PLXNC1: variants seen among roughly 807,000 people sequenced by gnomAD.
PLXNC1 encodes the protein plexin-C1.
PLXNC1 carries 75 observed loss-of-function variants against 178.2 expected under a neutral mutation model. The observed-to-expected ratio is 0.42, with a 90% CI of 0.35 to 0.51. The LOEUF (loss-of-function observed/expected upper bound fraction) is 0.51. Among genes scored for constraint, PLXNC1 ranks in the 20% least tolerant of loss-of-function variants. The pLI is 0.02. For synonymous variants in PLXNC1, 790 were observed against 779.9 expected (o/e 1.01, Z -0.22); for missense variants, 1,503 against 1,984.4 (o/e 0.76, Z 4.61).
chr12:94,290,287 C>T (rs900557472), intron 23 of PLXNC1, among the ~76,000 whole-genome samples: 2 of 152,200 alleles, frequency 1.3e-5, no homozygotes, highest in African/African-American at 4.8e-5. Flanking sequence ...CTCATAAACT[C>T]GGTGTCTGAG....
chr12:94,243,143 G>A (rs985323264), intron 11 of PLXNC1, among the ~76,000 whole-genome samples: 6 of 152,248 alleles, frequency 3.9e-5, no homozygotes, highest in Non-Finnish European at 7.3e-5. Context: ...GGAGGATTCA[G>A]AGATCAGTGT....
At chr12:94,289,604 C>T (rs906087487) in intron 23 of PLXNC1, among the ~76,000 whole-genome samples, 2 of 152,150 alleles carry the variant, frequency 1.3e-5, no homozygotes, top group African/African-American at 2.4e-5. Flanking sequence ...ATTTGGAGCT[C>T]CTCAGATGGA....
chr12:94,262,750 T>C (rs962981319), intron 20 of PLXNC1: 2 of 985,400 alleles, frequency 2.0e-6, no homozygotes, highest in African/African-American at 3.5e-5. Context: ...TGACAGTAGC[T>C]CCGTGACCGC....
intron 1 of PLXNC1, among the ~76,000 whole-genome samples, chr12:94,161,222 C>T (rs1378249581): frequency 6.6e-6 from 1 of 152,110 alleles, no homozygotes; most frequent in Non-Finnish European, 1.5e-5. Flanking sequence ...CAAAGTTTAG[C>T]ATTTTATTTC....
intron 20 of PLXNC1, among the ~76,000 whole-genome samples, chr12:94,264,613 C>T (rs1433439511): frequency 6.6e-6 from 1 of 152,178 alleles, no homozygotes; most frequent in Non-Finnish European, 1.5e-5. Context: ...TTGTATTTGG[C>T]AAATGTATAA....
In PLXNC1 at chr12:94,303,748, T is replaced by A; in HGVS notation, c.4387-8T>A. ...TGATGGTTGCTTTTTTTTTTTTTTT[T>A]TCCCCAGGAAGCACCAACTAATAAG... is the stretch of plus-strand genomic sequence containing the variant. On this transcript the variant is annotated splice_region_variant and splice_polypyrimidine_tract_variant and intron_variant, in intron 28 of 30. Coordinates refer to ENST00000258526, the MANE Select transcript of PLXNC1 (RefSeq NM_005761.3). The A allele has an allele frequency of 3.6e-6, 5 of 1,407,266 alleles. No homozygotes were observed. The African/African-American group carries it at 7.7e-5, about 22-fold the overall frequency. The allele number at this position is 1,407,266 out of a possible 1,614,324, so 87.2% of individuals were successfully genotyped here. A position where few individuals can be genotyped will look rare whatever the true frequency, so the allele number is the denominator to read the frequency against.
intron 2 of PLXNC1, among the ~76,000 whole-genome samples, chr12:94,170,002 C>G (rs559136487): frequency 6.2e-4 from 95 of 152,328 alleles, no homozygotes; most frequent in Non-Finnish European, 1.1e-3. Flanking sequence ...TTATCAATGT[C>G]ATCAGCAAGC....
chr12:94,226,594 T>G lies in PLXNC1; in HGVS notation c.1791-11T>G, dbSNP rs540093979. 5 of 1,598,994 alleles carry G rather than the reference T, an allele frequency of 3.1e-6. No individual in the cohort carries two copies. Among genetic ancestry groups the G allele is most frequent in the Admixed American group, 1.7e-5 (1 of 59,978 alleles). On this transcript the variant is annotated splice_polypyrimidine_tract_variant and intron_variant, in intron 7 of 30. Coordinates refer to ENST00000258526, the MANE Select transcript of PLXNC1 (RefSeq NM_005761.3). Reference sequence around the variant, plus strand: ...AAACGCAGGAATTAAGTCAGTTTTCTGTGTTGCTAGATGCCCAGCATGCGT... The same window carrying G: ...AAACGCAGGAATTAAGTCAGTTTTCGGTGTTGCTAGATGCCCAGCATGCGT...
chr12:94,260,521 A>T lies in PLXNC1; in HGVS notation c.3252-121A>T. On this transcript the variant is annotated intron_variant, in intron 19 of 30. Coordinates refer to ENST00000258526, the MANE Select transcript of PLXNC1 (RefSeq NM_005761.3). The surrounding 1 kb of genome is among the most constrained non-coding windows in gnomAD (Gnocchi z 4.4). ...AGAATCTAAACATTAAAAAAAAAAA[A>T]AAAAAAGCTCCCAACCCAACAGGCC... 8.2e-6 allele frequency: 5 copies of T among 608,182 alleles called. No homozygotes were observed. Among genetic ancestry groups the T allele is most frequent in the Non-Finnish European group, 1.4e-5 (5 of 357,968 alleles). The allele number at this position is 608,182 out of a possible 1,614,324, so 37.7% of individuals were successfully genotyped here. A position where few individuals can be genotyped will look rare whatever the true frequency, so the allele number is the denominator to read the frequency against.
chr12:94,285,959 C>T (rs1966817146), intron 23 of PLXNC1, among the ~76,000 whole-genome samples: 1 of 152,136 alleles, frequency 6.6e-6, no homozygotes, highest in Non-Finnish European at 1.5e-5. Context: ...ATGGGGCTAC[C>T]CACTGCCATT....
intron 23 of PLXNC1, among the ~76,000 whole-genome samples, chr12:94,290,495 A>AGCCAGCCCCT (rs536759836): frequency 5.9e-4 from 90 of 152,352 alleles, no homozygotes; most frequent in African/African-American, 2.0e-3. Context: ...TGATGGCCCC[A>AGCCAGCCCCT]GCCGGCCCCT....
chr12:94,277,493 T>C (rs1966057773), intron 21 of PLXNC1, among the ~76,000 whole-genome samples: 1 of 152,194 alleles, frequency 6.6e-6, no homozygotes, highest in African/African-American at 2.4e-5. Flanking sequence ...TTCTAAGAAC[T>C]GTGCGGTTAC....
At chr12:94,218,225 G>C (rs1963698872) in intron 5 of PLXNC1, among the ~76,000 whole-genome samples, 1 of 152,166 alleles carries the variant, frequency 6.6e-6, no homozygotes, top group African/African-American at 2.4e-5. Context: ...AAAGATAATT[G>C]AACTCCAGTC....
chr12:94,203,593 A>G (rs1963206459), intron 4 of PLXNC1, among the ~76,000 whole-genome samples: 1 of 152,176 alleles, frequency 6.6e-6, no homozygotes, highest in Non-Finnish European at 1.5e-5. Context: ...TTTTTGAGCA[A>G]TTAGGTGTAG....
At chr12:94,283,318 A>T (rs1427724512) in intron 23 of PLXNC1, among the ~76,000 whole-genome samples, 1 of 152,184 alleles carries the variant, frequency 6.6e-6, no homozygotes, top group Non-Finnish European at 1.5e-5. Flanking sequence ...CCAGCAGGGA[A>T]GGGAGAGCAT....
intron 23 of PLXNC1, among the ~76,000 whole-genome samples, chr12:94,292,906 G>A (rs1441456883): frequency 3.9e-5 from 6 of 152,168 alleles, no homozygotes. Flanking sequence ...AATTATAAGC[G>A]TACTGCTGGA....
rs559731377 is a variant in PLXNC1, at chr12:94,223,454, G to C, written c.1703-774G>C. 2.6e-5 allele frequency among the ~76,000 whole-genome samples: 4 copies of C among 152,278 alleles called. No individual in the cohort carries two copies. The South Asian group carries it at 8.3e-4, about 32-fold the overall frequency. The stretch of plus-strand genomic sequence containing the variant: ...GAGCAATGCAACCACAGGTTCCTGG[G>C]TCCACCCCAGGCTTGCTAAATCAGA... On this transcript the variant is annotated intron_variant, in intron 6 of 30. Coordinates refer to ENST00000258526, the MANE Select transcript of PLXNC1 (RefSeq NM_005761.3).
At position 94,257,767 on chromosome 12, in the gene PLXNC1, C is replaced by A. The variant is rs528767319; in HGVS notation, c.3088-1570C>A. ...TAAAAATACAAAAAAATTAGCCAGG[C>A]ATGGTGGCGGGCGCCTGTAGTCCCA... On this transcript the variant is annotated intron_variant, in intron 17 of 30. Transcript: ENST00000258526. 2.0e-5 allele frequency among the ~76,000 whole-genome samples: 3 copies of A among 152,164 alleles called. No individual in the cohort carries two copies. The East Asian group carries it at 5.8e-4, about 29-fold the overall frequency.
In PLXNC1 at chr12:94,248,091, G is replaced by A. The variant is rs2136063599; in HGVS notation, c.2577G>A (p.Leu859=). The change falls in exon 13 of 31, where the codon CTG becomes CTA. Residue 859 remains leucine (L), a synonymous_variant. Transcript: ENST00000258526. ...YRVESEVDTE[L]EVKIQKENDN... is the part of the protein sequence containing the mutation. Reference sequence around the variant, plus strand: ...TGGAATCCGAGGTGGACACAGAACTGGAAGTGAAAATTCAAGTATGTTTCT... The same window carrying A: ...TGGAATCCGAGGTGGACACAGAACTAGAAGTGAAAATTCAAGTATGTTTCT... 1 of 1,614,012 alleles carries A rather than the reference G, an allele frequency of 6.2e-7. No individual in the cohort carries two copies.
Sources: allele counts gnomAD v4.1 joint callset (sites outside exome capture counted in the v4.1 genomes callset), GRCh38; gene constraint gnomAD v4.1.1; non-coding constraint Gnocchi (gnomAD v3.1); transcripts MANE v1.5; gene names NCBI Gene and HGNC (gene_info 2026-07-23, HGNC 2026-07-21).